Variants in CABIN1 observed in about 807,000 individuals in gnomAD.
CABIN1 encodes calcineurin binding protein 1.
CABIN1 carries 133 observed loss-of-function variants against 227.7 expected under a neutral mutation model. That is an observed-to-expected ratio of 0.58 (90% CI 0.51 to 0.67). The LOEUF (loss-of-function observed/expected upper bound fraction) is 0.67. CABIN1 is among the 30% of genes least tolerant of loss of function. The pLI is 0.00. For synonymous variants in CABIN1, 1,086 were observed against 1,155.1 expected (o/e 0.94, Z 1.21); for missense variants, 2,408 against 2,852.5 (o/e 0.84, Z 3.55).
intron 29 of CABIN1, among the ~76,000 whole-genome samples, chr22:24,154,896 T>A (rs1051423626): frequency 3.3e-5 from 5 of 152,224 alleles, no homozygotes; most frequent in African/African-American, 1.2e-4. Context: ...GAGATGTCAC[T>A]AGGACAGGTG....
intron 26 of CABIN1, among the ~76,000 whole-genome samples, chr22:24,105,881 T>C (rs2042482762): frequency 1.3e-5 from 2 of 152,214 alleles, no homozygotes; most frequent in African/African-American, 2.4e-5. Context: ...CTTTTGTCTA[T>C]AGAGCACAGG....
chr22:24,060,227 G>A (rs1161288136), intron 12 of CABIN1, 86 bp downstream of exon 12: 2 of 1,284,838 alleles, frequency 1.6e-6, no homozygotes, highest in Non-Finnish European at 2.2e-6. Context: ...GGCTGCTGTT[G>A]TGTTTGGCTG....
At chr22:24,018,643 C>CAT (rs1240969341) in intron 1 of CABIN1, among the ~76,000 whole-genome samples, 2 of 152,122 alleles carry the variant, frequency 1.3e-5, no homozygotes. Flanking sequence ...TTTTTGTGTA[C>CAT]ATATGCAGCA....
chr22:24,125,724 C>T (rs746578560), intron 28 of CABIN1, among the ~76,000 whole-genome samples: 10 of 152,266 alleles, frequency 6.6e-5, no homozygotes, highest in Non-Finnish European at 1.3e-4. Context: ...GTGGTGTGCC[C>T]TGCATCCTCA....
chr22:24,147,839 C>T (rs1300802279), intron 29 of CABIN1, among the ~76,000 whole-genome samples: 2 of 152,132 alleles, frequency 1.3e-5, no homozygotes, highest in Non-Finnish European at 2.9e-5. Context: ...CTGCTCTGGG[C>T]CCAGGTGCAC....
intron 21 of CABIN1, 106 bp downstream of exon 21, chr22:24,084,891 C>A (rs1357076367): frequency 6.4e-7 from 1 of 1,564,348 alleles, no homozygotes; most frequent in Non-Finnish European, 8.8e-7. Flanking sequence ...CTGTACCAGA[C>A]TGAGGGGCAG....
intron 29 of CABIN1, among the ~76,000 whole-genome samples, chr22:24,159,253 G>A (rs2046012554): frequency 6.6e-6 from 1 of 152,232 alleles, no homozygotes; most frequent in Non-Finnish European, 1.5e-5. Flanking sequence ...GGGGACTGTG[G>A]CAGGGCAGCT....
rs187273406 is a variant in CABIN1 at position 24,106,586 on chromosome 22, C to G, written c.4118-6980C>G. ...CACCCAGCCCCTGGGCTGTCCCATC[C>G]ACAGCAGCCCAGCTGGTGGCAGGAT... On this transcript the variant is annotated intron_variant, in intron 26 of 36. Coordinates refer to ENST00000263119, the MANE Select transcript of CABIN1 (RefSeq NM_012295.4). 2.4e-4 allele frequency among the ~76,000 whole-genome samples: 36 copies of G among 152,356 alleles called. No homozygotes were observed. In the East Asian group the frequency reaches 6.2e-3, roughly 26 times the overall value.
At chr22:24,140,774 G>A (rs2044706785) in intron 29 of CABIN1, among the ~76,000 whole-genome samples, 1 of 152,242 alleles carries the variant, frequency 6.6e-6, no homozygotes, top group African/African-American at 2.4e-5. Context: ...CTGAGGCCGT[G>A]TGGGGCAGGC....
intron 1 of CABIN1, among the ~76,000 whole-genome samples, chr22:24,020,060 C>G (rs1235959942): frequency 1.3e-5 from 2 of 152,062 alleles, no homozygotes; most frequent in Non-Finnish European, 2.9e-5. Context: ...TTGCTTTGTT[C>G]TTGATATTAA....
intron 29 of CABIN1, among the ~76,000 whole-genome samples, chr22:24,136,836 G>A (rs1408698719): frequency 6.6e-6 from 1 of 151,826 alleles, no homozygotes; most frequent in Non-Finnish European, 1.5e-5. Flanking sequence ...TAACTTCTAT[G>A]CAAATTTCTT....
chr22:24,070,488 T>C (rs2040006531), intron 16 of CABIN1, among the ~76,000 whole-genome samples: 1 of 152,264 alleles, frequency 6.6e-6, no homozygotes, highest in South Asian at 2.1e-4. Context: ...TTGGGGTGCC[T>C]GTCTCACCTT....
chr22:24,099,920 G>T (rs1300498038), intron 26 of CABIN1, among the ~76,000 whole-genome samples: 1 of 152,212 alleles, frequency 6.6e-6, no homozygotes, highest in Non-Finnish European at 1.5e-5. Context: ...AAGGAGGGAG[G>T]CAGGAGCGCC....
intron 29 of CABIN1, among the ~76,000 whole-genome samples, chr22:24,148,609 G>A (rs988913727): frequency 6.6e-6 from 1 of 152,244 alleles, no homozygotes; most frequent in African/African-American, 2.4e-5. Flanking sequence ...TGACTTCCTG[G>A]TCTTGGCCCC....
intron 1 of CABIN1, among the ~76,000 whole-genome samples, chr22:24,032,961 C>G (rs1244476559): frequency 1.3e-5 from 2 of 152,094 alleles, no homozygotes; most frequent in Non-Finnish European, 2.9e-5. Flanking sequence ...ACCTGTAGTC[C>G]CAGCTACTCA....
intron 1 of CABIN1, among the ~76,000 whole-genome samples, chr22:24,018,657 C>T (rs1425429575): frequency 1.3e-5 from 2 of 152,150 alleles, no homozygotes; most frequent in Non-Finnish European, 2.9e-5. Context: ...TGCAGCAGTA[C>T]CTCACTGTTT....
At chr22:24,012,952 G>A (rs1179457073) in intron 1 of CABIN1, among the ~76,000 whole-genome samples, 2 of 151,854 alleles carry the variant, frequency 1.3e-5, no homozygotes, top group African/African-American at 4.8e-5. Flanking sequence ...GTAGAGACGG[G>A]GTTTCACCGT....
intron 34 of CABIN1, among the ~76,000 whole-genome samples, chr22:24,175,398 G>T (rs1601309960): frequency 6.6e-6 from 1 of 152,252 alleles, no homozygotes. Context: ...CCTGGCAGAG[G>T]AGCGGGATGG....
chr22:24,162,425 G>A (rs1276501646), intron 29 of CABIN1, among the ~76,000 whole-genome samples: 1 of 152,220 alleles, frequency 6.6e-6, no homozygotes, highest in Non-Finnish European at 1.5e-5. Context: ...AGGGGCTTCT[G>A]GGAATAGTGC....
Sources: gnomAD v4.1 joint callset for allele counts (sites outside exome capture counted in the v4.1 genomes callset) on GRCh38, gnomAD v4.1.1 for gene constraint, MANE v1.5 for transcripts, NCBI Gene and HGNC (gene_info 2026-07-23, HGNC 2026-07-21) for gene names.